Variants in PDZD2 observed in about 807,000 individuals in gnomAD.
PDZD2 encodes the protein PDZ domain containing 2.
PDZD2 carries 90 observed loss-of-function variants against 220.7 expected under a neutral mutation model. That is an observed-to-expected ratio of 0.41 (90% CI 0.34 to 0.49). The LOEUF (loss-of-function observed/expected upper bound fraction) is 0.49. PDZD2 is among the 20% of genes least tolerant of loss of function. The pLI, the probability that PDZD2 is intolerant of heterozygous loss-of-function variation, is 0.28. For missense variants in PDZD2, 3,174 were observed against 3,608.5 expected, an observed-to-expected ratio of 0.88 and a Z score of 3.08; for synonymous variants, 1,375 against 1,450.5, an observed-to-expected ratio of 0.95 and a Z score of 1.18.
intron 2 of PDZD2, among the ~76,000 whole-genome samples, chr5:31,978,646 C>G (rs553944891): frequency 1.4e-5 from 2 of 145,036 alleles, no homozygotes; most frequent in African/African-American, 5.2e-5. Context: ...ACCCGGGAGG[C>G]GGAGTTGGCA....
At chr5:31,865,985 T>C (rs1404721784) in intron 2 of PDZD2, among the ~76,000 whole-genome samples, 1 of 148,070 alleles carries the variant, frequency 6.8e-6, no homozygotes, top group Non-Finnish European at 1.5e-5. Context: ...TTGTTTTTGT[T>C]TTTGTCTTGT....
Position 32,061,005 on chromosome 5 carries a change from C to T in PDZD2, c.2322C>T (p.Arg774=), listed in dbSNP as rs141778554. The T allele has an allele frequency of 3.8e-5, 61 of 1,614,018 alleles. No homozygotes were observed. Among genetic ancestry groups the T allele is most frequent in the Admixed American group, 1.0e-4 (6 of 59,996 alleles). The part of the protein sequence containing the change: ...SVAKMESNLS[R]GDQILEVNSV... The stretch of plus-strand genomic sequence containing the variant: ...TGGATTCTGTTGCCCTCCCTAGCCG[C>T]GGGGATCAAATCCTGGAAGTGAACT... The change falls in exon 14 of 25, where the codon CGC becomes CGT. Residue 774 remains arginine, a synonymous_variant. Transcript: ENST00000438447.
intron 1 of PDZD2, among the ~76,000 whole-genome samples, chr5:31,715,156 A>G (rs996947779): frequency 6.6e-6 from 1 of 151,828 alleles, no homozygotes; most frequent in African/African-American, 2.4e-5. Context: ...CAACATCTTC[A>G]TTTTGGGCAG....
chr5:32,019,796 C>A lies in PDZD2; in HGVS notation c.1407+9314C>A, dbSNP rs79595653. 1.4e-3 allele frequency among the ~76,000 whole-genome samples: 220 copies of A among 152,174 alleles called. 1 individual carries two copies. Among genetic ancestry groups the A allele is most frequent in the African/African-American group, 5.1e-3 (213 of 41,544 alleles). On this transcript the variant is annotated intron_variant, in intron 6 of 24. Transcript: ENST00000438447. ...ATCATTGGAGCATATAATAAAGTTT[C>A]TTGGCCCTGAAGTTAATTTCTTTTA... is the stretch of plus-strand genomic sequence containing the variant.
At chr5:31,710,888 A>T (rs1380753234) in intron 1 of PDZD2, among the ~76,000 whole-genome samples, 1 of 152,164 alleles carries the variant, frequency 6.6e-6, no homozygotes, top group Non-Finnish European at 1.5e-5. Flanking sequence ...TAAAGGTGAT[A>T]ACCTATTTGC....
At chr5:31,993,207 G>A (rs1453461628) in intron 3 of PDZD2, among the ~76,000 whole-genome samples, 1 of 152,178 alleles carries the variant, frequency 6.6e-6, no homozygotes, top group East Asian at 1.9e-4. Flanking sequence ...CCAAAATGAG[G>A]TGATTGGATG....
intron 2 of PDZD2, chr5:31,843,967 A>C (rs148413314): frequency 5.9e-4 from 90 of 152,328 alleles, no homozygotes; most frequent in African/African-American, 2.0e-3. Context: ...GTGGTGGACC[A>C]GATAAGATCA....
intron 1 of PDZD2, among the ~76,000 whole-genome samples, chr5:31,749,173 A>G (rs1170273837): frequency 6.6e-6 from 1 of 152,202 alleles, no homozygotes. Flanking sequence ...TTCCCTGCTT[A>G]TCTGTCTCCT....
At chr5:31,708,120 C>G (rs1345486636) in intron 1 of PDZD2, among the ~76,000 whole-genome samples, 2 of 152,168 alleles carry the variant, frequency 1.3e-5, no homozygotes, top group African/African-American at 2.4e-5. Flanking sequence ...TTGAACCAAT[C>G]AAGTCCAGTC....
chr5:31,674,195 A>G (rs1448768706), intron 1 of PDZD2, among the ~76,000 whole-genome samples: 1 of 152,226 alleles, frequency 6.6e-6, no homozygotes, highest in African/African-American at 2.4e-5. Flanking sequence ...AGTCAGGAAG[A>G]TGGCTTAGAC....
intron 2 of PDZD2, among the ~76,000 whole-genome samples, chr5:31,800,156 C>A (rs1467973099): frequency 6.6e-6 from 1 of 152,152 alleles, no homozygotes; most frequent in African/African-American, 2.4e-5. Flanking sequence ...GCCCCAAGAC[C>A]GTTCTCAGGT....
In PDZD2 at chr5:32,008,790, T is replaced by C. The variant is rs917330759; in HGVS notation, c.1255-1540T>C. 4.6e-5 allele frequency among the ~76,000 whole-genome samples: 7 copies of C among 152,198 alleles called. No homozygotes were observed. In the East Asian group the frequency reaches 1.3e-3, roughly 29 times the overall value. The stretch of plus-strand genomic sequence containing the variant: ...GGATGAAAGCAGTAGTCAAAGACTT[T>C]AGAGAAGAAAGGAGAGGCAAATGGA... On this transcript the variant is annotated intron_variant, in intron 5 of 24. Transcript: ENST00000438447.
chr5:31,880,791 C>CTTTTTTTTTTTTTT (rs1037018187), intron 2 of PDZD2, among the ~76,000 whole-genome samples: 17 of 76,466 alleles, frequency 2.2e-4, no homozygotes, highest in Non-Finnish European at 3.1e-4. Context: ...TTTTTTTTTT[C>CTTTTTTTTTTTTTT]TTTTTTTTTT....
intron 17 of PDZD2, among the ~76,000 whole-genome samples, chr5:32,073,607 C>CG (rs747623762): frequency 0.014 from 1,938 of 139,772 alleles, 29 homozygotes; most frequent in Middle Eastern, 0.021. Context: ...AAGAAAAGGG[C>CG]GGGGGGGGTA....
At chr5:31,981,370 T>C (rs1259403291) in intron 2 of PDZD2, among the ~76,000 whole-genome samples, 7 of 152,238 alleles carry the variant, frequency 4.6e-5, no homozygotes, top group Admixed American at 4.6e-4. Flanking sequence ...GGGGAATATA[T>C]GCCTTTGGGC....
chr5:31,803,404 G>T (rs1754521851), intron 2 of PDZD2, among the ~76,000 whole-genome samples: 1 of 151,624 alleles, frequency 6.6e-6, no homozygotes, highest in African/African-American at 2.4e-5. Context: ...CACCCATGGG[G>T]CTCCATAGGC....
intron 2 of PDZD2, among the ~76,000 whole-genome samples, chr5:31,904,019 A>AT (rs1742395873): frequency 6.8e-6 from 1 of 147,480 alleles, no homozygotes; most frequent in Non-Finnish European, 1.5e-5. Flanking sequence ...GGCATGAGCC[A>AT]TTGCACCCAG....
intron 1 of PDZD2, among the ~76,000 whole-genome samples, chr5:31,688,666 T>C (rs1440524015): frequency 6.6e-6 from 1 of 152,200 alleles, no homozygotes; most frequent in African/African-American, 2.4e-5. Context: ...CACCAGGCTG[T>C]CTTCTCACTC....
chr5:32,046,657 T>C (rs1349252659), intron 7 of PDZD2, among the ~76,000 whole-genome samples: 1 of 152,204 alleles, frequency 6.6e-6, no homozygotes, highest in Non-Finnish European at 1.5e-5. Context: ...AAAATATACA[T>C]TAAGACAGTG....
Sources: gnomAD v4.1 joint callset for allele counts (sites outside exome capture counted in the v4.1 genomes callset) on GRCh38, gnomAD v4.1.1 for gene constraint, MANE v1.5 for transcripts, NCBI Gene and HGNC (gene_info 2026-07-23, HGNC 2026-07-21) for gene names.